Variants in TMEM131 observed in about 807,000 individuals in gnomAD.
TMEM131 encodes the protein transmembrane protein 131.
A neutral mutation model predicts 211.6 loss-of-function variants in TMEM131; 66 were observed. The ratio of observed to expected loss-of-function variants is 0.31; its 90% confidence interval spans 0.26 to 0.38. The LOEUF is 0.38. Among genes scored for constraint, TMEM131 ranks in the 10% least tolerant of loss-of-function variants. The pLI, the probability that TMEM131 is intolerant of heterozygous loss-of-function variation, is 1.00. For synonymous variants in TMEM131, 844 were observed against 841.3 expected, an observed-to-expected ratio of 1.00 and a Z score of -0.06; for missense variants, 2,036 against 2,299.3, an observed-to-expected ratio of 0.89 and a Z score of 2.34.
At chr2:97,772,639 T>G (rs893803730) in intron 32 of TMEM131, among the ~76,000 whole-genome samples, 2 of 152,236 alleles carry the variant, frequency 1.3e-5, no homozygotes, top group African/African-American at 4.8e-5. Context: ...CGCATGCCTG[T>G]AATCCCAGCA....
Position 97,766,573 on chromosome 2 carries a change from A to G in TMEM131, c.4478T>C (p.Leu1493Ser), listed in dbSNP as rs1679179036. Residue 1493 changes from leucine to serine, a missense_variant, in exon 34 of 41, where the codon TTG (leucine) becomes TCG (serine). Transcript: ENST00000186436. Reference protein sequence around the residue: ...SSLELPYTPPLESKQRRNLPS... With the variant: ...SSLELPYTPPSESKQRRNLPS... Reference sequence around the variant, plus strand: ...GAGATTTCTACGTTGCTTACTTTCCAAAGGGGGAGTATATGGTAGTTCTAA... The same window carrying G: ...GAGATTTCTACGTTGCTTACTTTCCGAAGGGGGAGTATATGGTAGTTCTAA... 12 of 1,613,822 alleles carry G rather than the reference A, an allele frequency of 7.4e-6. No individual in the cohort carries two copies. The highest frequency in any genetic ancestry group is 1.3e-5 in the African/African-American group (1 of 74,912).
chr2:97,861,096 C>T (rs1674048934), intron 4 of TMEM131, among the ~76,000 whole-genome samples: 1 of 152,158 alleles, frequency 6.6e-6, no homozygotes, highest in South Asian at 2.1e-4. Flanking sequence ...AAGGAGACAG[C>T]ATTTAGATGA....
intron 33 of TMEM131, among the ~76,000 whole-genome samples, chr2:97,767,284 T>C (rs1351300717): frequency 6.6e-6 from 1 of 152,156 alleles, no homozygotes; most frequent in Non-Finnish European, 1.5e-5. Context: ...TATAAATATA[T>C]CTTAAGTTTC....
chr2:97,924,950 G>A (rs764140556), intron 2 of TMEM131, among the ~76,000 whole-genome samples: 21 of 152,164 alleles, frequency 1.4e-4, no homozygotes, highest in Non-Finnish European at 2.1e-4. Context: ...CACAATCACA[G>A]CTCACTGAAG....
chr2:97,760,510 G>A (rs1430132521), intron 38 of TMEM131, 83 bp downstream of exon 38: 2 of 1,265,544 alleles, frequency 1.6e-6, no homozygotes, highest in Admixed American at 2.2e-5. Flanking sequence ...AAAATGCCCT[G>A]AAACCCATTT....
At chr2:97,879,456 G>C (rs1674832413) in intron 4 of TMEM131, among the ~76,000 whole-genome samples, 1 of 152,076 alleles carries the variant, frequency 6.6e-6, no homozygotes, top group Admixed American at 6.5e-5. Flanking sequence ...CTACAGCCTT[G>C]ACCAAAACAG....
intron 2 of TMEM131, among the ~76,000 whole-genome samples, chr2:97,917,551 A>G (rs1458924075): frequency 1.3e-5 from 2 of 152,206 alleles, no homozygotes; most frequent in Non-Finnish European, 2.9e-5. Flanking sequence ...TGGGTAATTA[A>G]TTCATAAAGA....
At chr2:97,799,338 G>C (rs1680912126) in intron 25 of TMEM131, among the ~76,000 whole-genome samples, 1 of 151,868 alleles carries the variant, frequency 6.6e-6, no homozygotes, top group Non-Finnish European at 1.5e-5. Context: ...TTAATATTCT[G>C]TGGGATACAA....
chr2:97,878,092 T>A (rs191249741), intron 4 of TMEM131, among the ~76,000 whole-genome samples: 79 of 152,160 alleles, frequency 5.2e-4, no homozygotes, highest in African/African-American at 1.7e-3. Context: ...AACAAACATA[T>A]GAAAAAATGC....
chr2:97,900,771 AT>A (rs926356182), intron 3 of TMEM131, among the ~76,000 whole-genome samples: 1 of 151,770 alleles, frequency 6.6e-6, no homozygotes, highest in Non-Finnish European at 1.5e-5. Flanking sequence ...TCTATTTTTA[AT>A]TTTTTTTAGC....
At chr2:97,876,975 CCTT>C (rs1268787438) in intron 4 of TMEM131, among the ~76,000 whole-genome samples, 2 of 152,170 alleles carry the variant, frequency 1.3e-5, no homozygotes, top group Non-Finnish European at 2.9e-5. Flanking sequence ...CCCAAAATCT[CCTT>C]AAGCTGCTGA....
chr2:97,888,014 T>C (rs757832324), intron 4 of TMEM131, 38 bp downstream of exon 4: 3 of 1,512,520 alleles, frequency 2.0e-6, no homozygotes, highest in Non-Finnish European at 2.7e-6. Flanking sequence ...CATTTAATAG[T>C]TTAATGGGAA....
chr2:97,836,660 A>G (rs1682953478), intron 8 of TMEM131, among the ~76,000 whole-genome samples: 1 of 152,178 alleles, frequency 6.6e-6, no homozygotes, highest in African/African-American at 2.4e-5. Context: ...TCCTTTACCA[A>G]TGGTGAATCT....
intron 3 of TMEM131, among the ~76,000 whole-genome samples, chr2:97,888,815 TG>T (rs2104263259): frequency 6.6e-6 from 1 of 152,310 alleles, no homozygotes; most frequent in East Asian, 1.9e-4. Flanking sequence ...ATGCCTAAAG[TG>T]TCAGAAATTC....
chr2:97,898,927 T>C (rs1675733208), intron 3 of TMEM131, among the ~76,000 whole-genome samples: 1 of 152,166 alleles, frequency 6.6e-6, no homozygotes, highest in Admixed American at 6.6e-5. Context: ...TTGGTGGATG[T>C]AGTGTTTAAT....
At chr2:97,957,920 T>C (rs1487966486) in intron 1 of TMEM131, among the ~76,000 whole-genome samples, 7 of 152,116 alleles carry the variant, frequency 4.6e-5, no homozygotes, top group Admixed American at 2.0e-4. Flanking sequence ...AAGGAACTCA[T>C]ACACTGAGAT....
At chr2:97,808,233 T>C (rs1187469721) in intron 19 of TMEM131, among the ~76,000 whole-genome samples, 1 of 152,212 alleles carries the variant, frequency 6.6e-6, no homozygotes, top group African/African-American at 2.4e-5. Context: ...CCACTTGTGG[T>C]CTCAAAATGT....
chr2:97,928,281 T>C (rs1677072088), intron 1 of TMEM131, among the ~76,000 whole-genome samples: 1 of 152,062 alleles, frequency 6.6e-6, no homozygotes, highest in African/African-American at 2.4e-5. Flanking sequence ...AAAGGGACAA[T>C]TATGGAGATA....
chr2:97,968,487 A>G (rs2104592431), intron 1 of TMEM131, among the ~76,000 whole-genome samples: 1 of 152,316 alleles, frequency 6.6e-6, no homozygotes, highest in South Asian at 2.1e-4. Flanking sequence ...TGTACCACAC[A>G]CATTTCAGAC....
Sources: allele counts gnomAD v4.1 joint callset (sites outside exome capture counted in the v4.1 genomes callset), GRCh38; gene constraint gnomAD v4.1.1; transcripts MANE v1.5; gene names NCBI Gene and HGNC (gene_info 2026-07-23, HGNC 2026-07-21).